ZFYVE9: variants seen among roughly 807,000 people sequenced by gnomAD.
ZFYVE9 encodes zinc finger FYVE-type containing 9, also known as zinc finger FYVE domain-containing protein 9.
In ZFYVE9, 43 loss-of-function variants were observed where a neutral mutation model predicts 126.7. The observed-to-expected ratio is 0.34, with a 90% CI of 0.27 to 0.44. The LOEUF is 0.44. Ranked by LOEUF, ZFYVE9 falls within the 20% of genes least tolerant of loss-of-function variation. ZFYVE9 has a pLI of 1.00. For synonymous variants in ZFYVE9, 521 were observed against 597.4 expected (o/e 0.87, Z 1.87); for missense variants, 1,476 against 1,697.0 (o/e 0.87, Z 2.29).
chr1:52,243,297 G>A (rs1052867145), intron 4 of ZFYVE9, among the ~76,000 whole-genome samples: 2 of 152,190 alleles, frequency 1.3e-5, no homozygotes, highest in African/African-American at 2.4e-5. Context: ...TGGCAAGGGC[G>A]ATGAAGGAGA....
At position 52,336,364 on chromosome 1, in the gene ZFYVE9, TTTTG is replaced by T. The variant is rs1368755713; in HGVS notation, c.3671-1404_3671-1401del. Among the ~76,000 whole-genome samples, 17 of 123,600 alleles carry T rather than the reference TTTTG, an allele frequency of 1.4e-4. 5 individuals are homozygous for T. Among genetic ancestry groups the T allele is most frequent in the South Asian group, 5.1e-4 (2 of 3,892 alleles). The allele number at this position is 123,600 out of a possible 152,430, so 81.1% of individuals were successfully genotyped here. On this transcript the variant is annotated intron_variant, in intron 15 of 18. Transcript: ENST00000287727. ...ATTGTTATGAAATCTAAGAGGTTTTTTTTGTTTTTTTTTTTTTTTTTTTAAGATG... is the reference window on the plus strand; with the variant it reads ...ATTGTTATGAAATCTAAGAGGTTTTTTTTTTTTTTTTTTTTTTTTAAGATG...
At chr1:52,264,459 G>A (rs1645613860) in intron 5 of ZFYVE9, among the ~76,000 whole-genome samples, 1 of 152,032 alleles carries the variant, frequency 6.6e-6, no homozygotes. Context: ...AATATGGCCG[G>A]GGAAAGTAAA....
intron 1 of ZFYVE9, among the ~76,000 whole-genome samples, chr1:52,183,807 C>T (rs1346129239): frequency 6.6e-6 from 1 of 151,346 alleles, no homozygotes; most frequent in Non-Finnish European, 1.5e-5. Context: ...CGTCCAGCCT[C>T]AGCTGTGTCT....
chr1:52,206,649 C>T (rs1374602766), intron 1 of ZFYVE9, among the ~76,000 whole-genome samples: 1 of 152,112 alleles, frequency 6.6e-6, no homozygotes, highest in Non-Finnish European at 1.5e-5. Context: ...CTCCCAGGTT[C>T]AAGCATTTTC....
chr1:52,253,832 A>C (rs891296386), intron 4 of ZFYVE9: 15 of 1,485,336 alleles, frequency 1.0e-5, no homozygotes, highest in Middle Eastern at 1.7e-4. Flanking sequence ...TTCAGAAGAA[A>C]AACAACAGTT....
chr1:52,336,380 T>G (rs1464293135), intron 15 of ZFYVE9, among the ~76,000 whole-genome samples: 4 of 146,204 alleles, frequency 2.7e-5, no homozygotes, highest in African/African-American at 1.0e-4. Context: ...TTTTTTTTTT[T>G]TTTTTTTAAG....
Position 52,346,321 on chromosome 1 carries a change from A to C in ZFYVE9, c.*100A>C. ...ACTGGAAGATTAAGCTTTTGTTAAC[A>C]CTATTAATGGGGTGGGGAATAGGGT... On this transcript the variant is annotated 3_prime_UTR_variant, in exon 19 of 19. Coordinates refer to ENST00000287727, the MANE Select transcript of ZFYVE9 (RefSeq NM_004799.4). 3 of 1,126,566 alleles carry C rather than the reference A, an allele frequency of 2.7e-6. No homozygotes were observed. Among genetic ancestry groups the C allele is most frequent in the Non-Finnish European group, 3.7e-6 (3 of 820,052 alleles). The allele number at this position is 1,126,566 out of a possible 1,614,324, so 69.8% of individuals were successfully genotyped here. A position where few individuals can be genotyped will look rare whatever the true frequency, so the allele number is the denominator to read the frequency against.
At chr1:52,206,077 A>T (rs886698054) in intron 1 of ZFYVE9, among the ~76,000 whole-genome samples, 10 of 152,216 alleles carry the variant, frequency 6.6e-5, no homozygotes, top group Admixed American at 1.3e-4. Flanking sequence ...TTGCAGGTTA[A>T]GGCAATCCAC....
intron 10 of ZFYVE9, among the ~76,000 whole-genome samples, chr1:52,286,496 C>T (rs895527355): frequency 6.6e-6 from 1 of 152,134 alleles, no homozygotes; most frequent in African/African-American, 2.4e-5. Context: ...TGGAGGGAAA[C>T]ATTATAATTT....
chr1:52,166,663 C>T (rs147372094), intron 1 of ZFYVE9, among the ~76,000 whole-genome samples: 3 of 151,862 alleles, frequency 2.0e-5, no homozygotes, highest in African/African-American at 4.8e-5. Context: ...GCCTGTAATC[C>T]CAGCGTGAGG....
chr1:52,323,378 G>A (rs951891440), intron 13 of ZFYVE9, among the ~76,000 whole-genome samples: 3 of 152,106 alleles, frequency 2.0e-5, no homozygotes, highest in Non-Finnish European at 4.4e-5. Flanking sequence ...TTGTATAATA[G>A]TTTTATGTAT....
In ZFYVE9 at chr1:52,156,856, A is replaced by T. The variant is rs1282783287; in HGVS notation, c.-143+14453A>T. 7.1e-5 allele frequency among the ~76,000 whole-genome samples: 10 copies of T among 141,754 alleles called. No homozygotes were observed. The Admixed American group carries it at 7.3e-4, about 10-fold the overall frequency. 93.0% of individuals were successfully genotyped at this position (141,754 alleles called of 152,430 possible). On this transcript the variant is annotated intron_variant, in intron 1 of 18. Transcript: ENST00000287727. ...TGACATTCTTTTTTTTTTTTTTGAG[A>T]CGGAGTCTCGCTGTCGCCCAGGCTG...
chr1:52,305,012 A>G (rs1271010705), intron 13 of ZFYVE9, among the ~76,000 whole-genome samples: 2 of 152,220 alleles, frequency 1.3e-5, no homozygotes, highest in African/African-American at 4.8e-5. Flanking sequence ...GCAATCTTTC[A>G]TGGCCTAAAG....
chr1:52,255,401 T>C (rs1050128578), intron 4 of ZFYVE9, among the ~76,000 whole-genome samples: 2 of 150,946 alleles, frequency 1.3e-5, no homozygotes, highest in African/African-American at 4.9e-5. Context: ...CTGACCGACC[T>C]ATGGAGAAAC....
At chr1:52,169,005 C>G (rs1644539859) in intron 1 of ZFYVE9, among the ~76,000 whole-genome samples, 1 of 152,112 alleles carries the variant, frequency 6.6e-6, no homozygotes, top group African/African-American at 2.4e-5. Context: ...TTCTTGCTGT[C>G]CCTCTGTTTT....
chr1:52,162,295 TC>T, intron 1 of ZFYVE9: 1 of 389,796 alleles, frequency 2.6e-6, no homozygotes, highest in Non-Finnish European at 5.2e-6. Context: ...ATCTGTCATA[TC>T]CACGATGATA....
intron 13 of ZFYVE9, among the ~76,000 whole-genome samples, chr1:52,314,827 A>T (rs1646168574): frequency 6.6e-6 from 1 of 151,806 alleles, no homozygotes; most frequent in South Asian, 2.1e-4. Context: ...GAAAAAAAAA[A>T]GCAAAAACCG....
intron 3 of ZFYVE9, among the ~76,000 whole-genome samples, 187 bp downstream of exon 3, chr1:52,233,463 G>C (rs1167493459): frequency 6.6e-6 from 1 of 152,150 alleles, no homozygotes; most frequent in African/African-American, 2.4e-5. Context: ...AAATCCCACA[G>C]ATCTTATTGC....
At chr1:52,180,910 G>A (rs1255316787) in intron 1 of ZFYVE9, among the ~76,000 whole-genome samples, 2 of 149,304 alleles carry the variant, frequency 1.3e-5, no homozygotes, top group Non-Finnish European at 3.0e-5. Flanking sequence ...GGGAGGCGGA[G>A]GTTGCAGTGA....
Sources: gnomAD v4.1 joint callset for allele counts (sites outside exome capture counted in the v4.1 genomes callset) on GRCh38, gnomAD v4.1.1 for gene constraint, MANE v1.5 for transcripts, NCBI Gene and HGNC (gene_info 2026-07-23, HGNC 2026-07-21) for gene names.